Variants in MFHAS1 observed in about 807,000 individuals in gnomAD.
MFHAS1 encodes the protein malignant fibrous histiocytoma-amplified sequence 1.
A neutral mutation model predicts 70.4 loss-of-function variants in MFHAS1; 50 were observed. The ratio of observed to expected loss-of-function variants is 0.71; its 90% CI spans 0.57 to 0.90. The LOEUF is 0.90. Ranked by LOEUF, MFHAS1 falls within the 40% of genes least tolerant of loss-of-function variation. MFHAS1 has a pLI of 0.00. For missense variants in MFHAS1, 1,795 were observed against 1,347.6 expected, an observed-to-expected ratio of 1.33 and a Z score of -5.20; for synonymous variants, 952 against 620.0, an observed-to-expected ratio of 1.54 and a Z score of -7.96.
intron 1 of MFHAS1, among the ~76,000 whole-genome samples, chr8:8,805,608 G>C (rs13278003): frequency 6.6e-6 from 1 of 152,168 alleles, no homozygotes. Context: ...CCTTCTGTAA[G>C]TGGACCGGCA....
chr8:8,817,815 A>T (rs35039922), intron 1 of MFHAS1, among the ~76,000 whole-genome samples: 74,441 of 152,032 alleles, frequency 0.49, 18,936 homozygotes, highest in East Asian at 0.75. Flanking sequence ...ATAGAGTTCA[A>T]GCTCCTATGA....
intron 1 of MFHAS1, among the ~76,000 whole-genome samples, chr8:8,861,390 T>G (rs1808655527): frequency 6.6e-6 from 1 of 152,160 alleles, no homozygotes; most frequent in African/African-American, 2.4e-5. Context: ...TCTAACAGAA[T>G]ATAATCAATC....
chr8:8,834,096 A>T (rs550676170), intron 1 of MFHAS1, among the ~76,000 whole-genome samples: 1 of 151,808 alleles, frequency 6.6e-6, no homozygotes, highest in South Asian at 2.1e-4. Flanking sequence ...ACTGCACTCC[A>T]GCCTGGGCAA....
intron 1 of MFHAS1, among the ~76,000 whole-genome samples, chr8:8,811,328 G>C (rs1806539028): frequency 6.8e-6 from 1 of 147,450 alleles, no homozygotes; most frequent in Admixed American, 6.7e-5. Flanking sequence ...TTTTTTTTGA[G>C]ATAGGGTCTT....
chr8:8,817,481 C>T (rs1181454188), intron 1 of MFHAS1, among the ~76,000 whole-genome samples: 2 of 152,222 alleles, frequency 1.3e-5, no homozygotes, highest in Non-Finnish European at 1.5e-5. Context: ...AGGCTTTCAA[C>T]AATTCCACCT....
intron 2 of MFHAS1, chr8:8,790,555 A>C (rs902526801): frequency 1.1e-5 from 2 of 182,616 alleles, no homozygotes; most frequent in African/African-American, 4.8e-5. Flanking sequence ...CACTCCTTGC[A>C]TAGAACAAAA....
chr8:8,835,833 CA>C (rs1807575030), intron 1 of MFHAS1, among the ~76,000 whole-genome samples: 1 of 152,178 alleles, frequency 6.6e-6, no homozygotes. Context: ...CAAAAGTTGG[CA>C]AAACATGGCC....
At chr8:8,821,470 T>C (rs1273935754) in intron 1 of MFHAS1, among the ~76,000 whole-genome samples, 1 of 152,224 alleles carries the variant, frequency 6.6e-6, no homozygotes, top group Admixed American at 6.5e-5. Context: ...ACAACTCTTA[T>C]GTCCATACAA....
At chr8:8,807,189 C>A (rs545936244) in intron 1 of MFHAS1, among the ~76,000 whole-genome samples, 1 of 152,102 alleles carries the variant, frequency 6.6e-6, no homozygotes, top group Non-Finnish European at 1.5e-5. Context: ...ATTCCTGGAA[C>A]GTCCTTATCT....
rs545617467 is a variant in MFHAS1, at chr8:8,855,264, T to G, written c.2998+34797A>C. Among the ~76,000 whole-genome samples, 325 of 152,302 alleles carry G rather than the reference T, an allele frequency of 2.1e-3. 1 individual carries two copies. Among genetic ancestry groups the G allele is most frequent in the African/African-American group, 7.6e-3 (317 of 41,578 alleles). On this transcript the variant is annotated intron_variant, in intron 1 of 2. Transcript: ENST00000276282. Reference sequence around the variant, plus strand: ...CACCACACTCAGCCGACATCCTGTATTTTATCTGGCAATCTTAACATTGTA... The same window carrying G: ...CACCACACTCAGCCGACATCCTGTAGTTTATCTGGCAATCTTAACATTGTA...
In MFHAS1 at chr8:8,893,163, G is replaced by A. The variant is rs1810165941; in HGVS notation, c.-105C>T. The A allele has an allele frequency of 2.8e-6, 2 of 725,738 alleles. No homozygotes were observed. Among genetic ancestry groups the A allele is most frequent in the African/African-American group, 1.9e-5 (1 of 53,194 alleles). 45.0% of individuals were successfully genotyped at this position (725,738 alleles called of 1,614,324 possible). A position where few individuals can be genotyped will look rare whatever the true frequency, so the allele number is the denominator to read the frequency against. On this transcript the variant is annotated 5_prime_UTR_variant, in exon 1 of 3. Coordinates refer to ENST00000276282, the MANE Select transcript of MFHAS1 (RefSeq NM_004225.3). Reference sequence around the variant, plus strand: ...CTCCTGCCCCTGCCTGCCCTCCCGCGCTCGGCGGCCGGCGGCCGCGGGTCC... The same window carrying A: ...CTCCTGCCCCTGCCTGCCCTCCCGCACTCGGCGGCCGGCGGCCGCGGGTCC...
chr8:8,856,980 G>GAAAAAAA lies in MFHAS1; in HGVS notation c.2998+33074_2998+33080dup, dbSNP rs59496543. 7.5e-5 allele frequency among the ~76,000 whole-genome samples: 4 copies of GAAAAAAA among 53,392 alleles called. 1 individual carries two copies. The highest frequency in any genetic ancestry group is 2.2e-4 in the African/African-American group (3 of 13,436). 35.0% of individuals were successfully genotyped at this position (53,392 alleles called of 152,430 possible). On this transcript the variant is annotated intron_variant, in intron 1 of 2. Coordinates refer to ENST00000276282, the MANE Select transcript of MFHAS1 (RefSeq NM_004225.3). Reference sequence around the variant, plus strand: ...CCTGACACTTTCACATCAGGAAAGTGAAAAAAAAAAAAAAAAAAAAAAAAA... The same window carrying GAAAAAAA: ...CCTGACACTTTCACATCAGGAAAGTGAAAAAAAAAAAAAAAAAAAAAAAAAAAAAAAA...
At chr8:8,786,361 C>T (rs774935500) in intron 2 of MFHAS1, among the ~76,000 whole-genome samples, 14 of 152,170 alleles carry the variant, frequency 9.2e-5, no homozygotes, top group Non-Finnish European at 1.5e-4. Flanking sequence ...CTTAACTAGA[C>T]CTCTAACTAA....
chr8:8,879,654 A>C (rs986097175), intron 1 of MFHAS1, among the ~76,000 whole-genome samples: 1 of 152,206 alleles, frequency 6.6e-6, no homozygotes, highest in Non-Finnish European at 1.5e-5. Flanking sequence ...TTCCCCCCAA[A>C]GTAACATTCA....
intron 1 of MFHAS1, among the ~76,000 whole-genome samples, chr8:8,845,449 A>G (rs571832929): frequency 3.3e-4 from 50 of 152,274 alleles, no homozygotes; most frequent in African/African-American, 1.2e-3. Flanking sequence ...CTAGCGGCAG[A>G]CCCAGGAGCA....
intron 1 of MFHAS1, among the ~76,000 whole-genome samples, chr8:8,885,951 C>A (rs1360414690): frequency 6.6e-6 from 1 of 152,138 alleles, no homozygotes; most frequent in Non-Finnish European, 1.5e-5. Flanking sequence ...ATGGAGAAAG[C>A]AGGTCAAGAC....
intron 1 of MFHAS1, among the ~76,000 whole-genome samples, chr8:8,800,713 C>G (rs750007736): frequency 1.1e-4 from 16 of 152,186 alleles, no homozygotes; most frequent in Non-Finnish European, 2.2e-4. Flanking sequence ...ACAGATGCAG[C>G]TTCTTTGGTT....
intron 1 of MFHAS1, among the ~76,000 whole-genome samples, chr8:8,825,168 G>A (rs1294251354): frequency 2.0e-5 from 3 of 152,102 alleles, no homozygotes; most frequent in Admixed American, 2.0e-4. Flanking sequence ...TTAAAGAAAA[G>A]GGTTGCGGTT....
intron 1 of MFHAS1, among the ~76,000 whole-genome samples, chr8:8,836,129 C>G (rs549232548): frequency 5.9e-5 from 9 of 152,190 alleles, no homozygotes; most frequent in Non-Finnish European, 1.2e-4. Flanking sequence ...AGGAGAAAAC[C>G]AAACACCTCA....
Sources: gnomAD v4.1 joint callset for allele counts (sites outside exome capture counted in the v4.1 genomes callset) on GRCh38, gnomAD v4.1.1 for gene constraint, MANE v1.5 for transcripts, NCBI Gene and HGNC (gene_info 2026-07-23, HGNC 2026-07-21) for gene names.